PCDH15: variants seen among roughly 807,000 people sequenced by gnomAD.
The protein encoded by PCDH15 is protocadherin related 15.
In PCDH15, 129 loss-of-function variants were observed where a neutral mutation model predicts 178.5. That is an observed-to-expected ratio of 0.72 (90% confidence interval 0.63 to 0.84). The LOEUF (loss-of-function observed/expected upper bound fraction) is 0.84, where lower values mean the gene tolerates loss of function less well. Among genes scored for constraint, PCDH15 ranks in the 40% least tolerant of loss-of-function variants. The pLI, the probability that PCDH15 is intolerant of heterozygous loss-of-function variation, is 0.00. For missense variants in PCDH15, 2,230 were observed against 2,099.9 expected (o/e 1.06, Z -1.21); for synonymous variants, 800 against 732.0 (o/e 1.09, Z -1.50).
At position 54,234,130 on chromosome 10, in the gene PCDH15, TTCTG is replaced by T. The variant is rs1472940678; in HGVS notation, c.985+2689_985+2692del. Among the ~76,000 whole-genome samples, 182 of 103,198 alleles carry T rather than the reference TTCTG, an allele frequency of 1.8e-3. 1 individual carries two copies. Among genetic ancestry groups the T allele is most frequent in the African/African-American group, 5.6e-3 (139 of 24,994 alleles). The allele number at this position is 103,198 out of a possible 152,430, so 67.7% of individuals were successfully genotyped here. ...TGAAGTCAGAGTCATGGATATCCCC[TTCTG>T]TGTGTGTGTGTGTGTGTGTGTGTGT... is the stretch of plus-strand genomic sequence containing the variant. On this transcript the variant is annotated intron_variant, in intron 9 of 37. Transcript: ENST00000644397.
intron 2 of PCDH15, among the ~76,000 whole-genome samples, chr10:55,151,296 G>A (rs1838704027): frequency 6.6e-6 from 1 of 152,008 alleles, no homozygotes; most frequent in African/African-American, 2.4e-5. Flanking sequence ...CAGAAAAGTG[G>A]AATTGACTAA....
intron 2 of PCDH15, among the ~76,000 whole-genome samples, chr10:55,610,616 C>T (rs141508484): frequency 2.0e-3 from 300 of 152,132 alleles, no homozygotes; most frequent in Non-Finnish European, 2.7e-3. Context: ...AGGGCTAAGA[C>T]GTTTCTGTTT....
intron 1 of PCDH15, among the ~76,000 whole-genome samples, chr10:54,717,696 A>G (rs2095498230): frequency 7.2e-6 from 1 of 137,984 alleles, no homozygotes; most frequent in East Asian, 2.1e-4. Context: ...TGTGGAAGTC[A>G]GTGTGGCGAT....
intron 25 of PCDH15, among the ~76,000 whole-genome samples, chr10:53,912,482 T>G (rs924478517): frequency 1.3e-5 from 2 of 152,162 alleles, no homozygotes; most frequent in African/African-American, 4.8e-5. Flanking sequence ...GGTATTCAGT[T>G]AGCAAAAGAG....
chr10:54,892,864 T>G (rs117953330), intron 3 of PCDH15, among the ~76,000 whole-genome samples: 1,834 of 151,926 alleles, frequency 0.012, 27 homozygotes, highest in Admixed American at 0.016. Context: ...GTAGCTGAGT[T>G]TACAAGTACC....
chr10:54,865,727 C>T (rs1283534927), intron 3 of PCDH15, among the ~76,000 whole-genome samples: 1 of 151,796 alleles, frequency 6.6e-6, no homozygotes, highest in African/African-American at 2.4e-5. Context: ...AGGAAAATAA[C>T]ATGTTAATGT....
chr10:54,072,674 A>C (rs1181974065), intron 17 of PCDH15, among the ~76,000 whole-genome samples: 2 of 152,136 alleles, frequency 1.3e-5, no homozygotes, highest in Non-Finnish European at 2.9e-5. Flanking sequence ...CTGGGAAACT[A>C]AGAGAAATTT....
chr10:53,806,901 G>A lies in PCDH15; in HGVS notation c.4901C>T (p.Pro1634Leu). Residue 1634 changes from proline (P) to leucine (L), a missense_variant, in exon 38 of 38, where the codon CCC becomes CTC. Physicochemically the swap from Pro to Leu is moderately conservative, Grantham distance 98. Coordinates refer to ENST00000644397, the MANE Select transcript of PCDH15 (RefSeq NM_001384140.1). ...KVASPVRLGG[P>L]FKKLDKLAVT... ...TGCCAACTTGTCTAGTTTCTTAAAG[G>A]GCCCTCCCAGTCGAACAGGGGAAGC... The A allele has an allele frequency of 6.2e-7, 1 of 1,613,770 alleles. No homozygotes were observed. The highest frequency in any genetic ancestry group is 8.5e-7 in the Non-Finnish European group (1 of 1,179,810).
At chr10:54,202,602 CG>C (rs1166153592) in intron 10 of PCDH15, among the ~76,000 whole-genome samples, 2 of 151,920 alleles carry the variant, frequency 1.3e-5, no homozygotes, top group African/African-American at 4.8e-5. Flanking sequence ...CACCAGAGGT[CG>C]GGAGTTCGAG....
chr10:55,109,023 T>C (rs565792754), intron 2 of PCDH15, among the ~76,000 whole-genome samples: 2 of 152,312 alleles, frequency 1.3e-5, no homozygotes, highest in East Asian at 1.9e-4. Flanking sequence ...TGTATACTTA[T>C]CAGTAACCAG....
chr10:54,075,161 AG>A (rs1465341015), intron 17 of PCDH15, among the ~76,000 whole-genome samples: 8 of 151,922 alleles, frequency 5.3e-5, no homozygotes, highest in Non-Finnish European at 4.4e-5. Context: ...GCAGATCACG[AG>A]GTCAGGAGAT....
At chr10:53,827,632 C>T in intron 31 of PCDH15, 84 bp from the exon 32 acceptor site, 1 of 1,508,372 alleles carries the variant, frequency 6.6e-7, no homozygotes, top group Non-Finnish European at 9.2e-7. Context: ...TAATGGGGTC[C>T]AGTTATCAGG....
intron 21 of PCDH15, among the ~76,000 whole-genome samples, chr10:53,983,919 G>GA (rs566966820): frequency 1.2e-3 from 172 of 149,266 alleles, no homozygotes; most frequent in South Asian, 2.1e-3. Context: ...CCATCCTCCT[G>GA]AAAAAAAAAT....
At chr10:55,510,301 A>G (rs991473202) in intron 2 of PCDH15, among the ~76,000 whole-genome samples, 1 of 151,984 alleles carries the variant, frequency 6.6e-6, no homozygotes, top group African/African-American at 2.4e-5. Flanking sequence ...ACATACTCCT[A>G]AAGTCAAAAC....
chr10:54,699,837 A>G (rs749002467), intron 1 of PCDH15, among the ~76,000 whole-genome samples: 5 of 152,124 alleles, frequency 3.3e-5, no homozygotes, highest in Non-Finnish European at 7.4e-5. Flanking sequence ...ACACTTTGTA[A>G]AGAAAATACA....
intron 6 of PCDH15, among the ~76,000 whole-genome samples, chr10:54,337,850 G>A (rs1444890554): frequency 6.6e-6 from 1 of 152,072 alleles, no homozygotes; most frequent in Non-Finnish European, 1.5e-5. Flanking sequence ...TTGGGAACCT[G>A]GGTGGGAACT....
chr10:54,059,214 T>C (rs992105325), intron 18 of PCDH15, among the ~76,000 whole-genome samples: 2 of 152,218 alleles, frequency 1.3e-5, no homozygotes, highest in African/African-American at 4.8e-5. Flanking sequence ...CCATTCATAT[T>C]GCTACAAATG....
intron 2 of PCDH15, among the ~76,000 whole-genome samples, chr10:55,350,228 C>CAT (rs869240598): frequency 0.041 from 2,979 of 72,414 alleles, 86 homozygotes; most frequent in Middle Eastern, 0.066. Context: ...TATATAAACT[C>CAT]ATATATATAT....
chr10:55,594,369 A>T (rs186756950), intron 2 of PCDH15, among the ~76,000 whole-genome samples: 49 of 152,094 alleles, frequency 3.2e-4, no homozygotes, highest in African/African-American at 1.1e-3. Flanking sequence ...TTGAGGTTAA[A>T]CTTCAAGAAG....
Sources: gnomAD v4.1 joint callset for allele counts (sites outside exome capture counted in the v4.1 genomes callset) on GRCh38, gnomAD v4.1.1 for gene constraint, MANE v1.5 for transcripts, NCBI Gene and HGNC (gene_info 2026-07-23, HGNC 2026-07-21) for gene names.